Variants in NCAM1 observed in about 807,000 individuals in gnomAD.
The protein encoded by NCAM1 is antigen recognized by monoclonal antibody 5.1H11.
A neutral mutation model predicts 109.8 loss-of-function variants in NCAM1; 14 were observed. The ratio of observed to expected loss-of-function variants is 0.13; its 90% CI spans 0.08 to 0.20. The LOEUF is 0.20. Among genes scored for constraint, NCAM1 ranks in the 10% least tolerant of loss-of-function variants. NCAM1 has a pLI of 1.00. For missense variants in NCAM1, 774 were observed against 1,109.9 expected (o/e 0.70, Z 4.30); for synonymous variants, 418 against 442.9 (o/e 0.94, Z 0.70).
In NCAM1 at chr11:113,277,896, C is replaced by CAAAG. The variant is rs1946435719; in HGVS notation, c.*2511_*2514dup. ...AAAAAAGCAATGCTTTCTCTAAAAT[C>CAAAG]AAAGAGGGAGTCATTTTATTCCAAG... On this transcript the variant is annotated 3_prime_UTR_variant, in exon 20 of 20. Transcript: ENST00000316851. 1.0e-5 allele frequency: 1 copy of CAAAG among 96,516 alleles called. No homozygotes were observed. Among genetic ancestry groups the CAAAG allele is most frequent in the African/African-American group, 4.3e-5 (1 of 23,328 alleles). 6.0% of individuals were successfully genotyped at this position (96,516 alleles called of 1,614,324 possible). A position where few individuals can be genotyped will look rare whatever the true frequency, so the allele number is the denominator to read the frequency against.
Position 113,207,319 on chromosome 11 carries a change from G to C in NCAM1, c.687G>C (p.Gln229His), listed in dbSNP as rs563070008. Residue 229 changes from glutamine (Q) to histidine (H), a missense_variant, in exon 6 of 20, where the codon CAG becomes CAC. Around this residue, in one of 4 missense-constraint regions of NCAM1, gnomAD observed 523 missense variants for 784.2 expected, o/e 0.67. Coordinates refer to ENST00000316851, the MANE Select transcript of NCAM1 (RefSeq NM_181351.5). ...TGAATGCCACCGCCAACCTCGGCCA[G>C]TCCGTCACCCTGGTGTGCGATGCCG... is the stretch of plus-strand genomic sequence containing the variant. ...NIVNATANLGQSVTLVCDAEG... is the reference protein window; with the variant it reads ...NIVNATANLGHSVTLVCDAEG... 6.2e-7 allele frequency: 1 copy of C among 1,614,046 alleles called. No individual in the cohort carries two copies. Among genetic ancestry groups the C allele is most frequent in the Non-Finnish European group, 8.5e-7 (1 of 1,179,902 alleles).
chr11:113,093,584 C>A (rs145821670), intron 1 of NCAM1, among the ~76,000 whole-genome samples: 1 of 152,114 alleles, frequency 6.6e-6, no homozygotes, highest in Non-Finnish European at 1.5e-5. Context: ...TATTCTTAAG[C>A]CTTTGGAAGG....
chr11:113,142,628 C>T (rs959018744), intron 1 of NCAM1, among the ~76,000 whole-genome samples: 1 of 152,104 alleles, frequency 6.6e-6, no homozygotes, highest in East Asian at 1.9e-4. Flanking sequence ...TTACTCTATC[C>T]TCACCTACCT....
intron 1 of NCAM1, among the ~76,000 whole-genome samples, chr11:113,079,409 T>C (rs1415136500): frequency 1.3e-5 from 2 of 152,146 alleles, no homozygotes; most frequent in East Asian, 3.9e-4. Flanking sequence ...TATACCCGTG[T>C]TTCTGTCCCA....
intron 18 of NCAM1, among the ~76,000 whole-genome samples, chr11:113,271,369 C>CAAAAAA (rs71060298): frequency 2.5e-3 from 169 of 66,846 alleles, no homozygotes; most frequent in African/African-American, 3.0e-3. Flanking sequence ...GACTCTGTCT[C>CAAAAAA]AAAAAAAAAA....
chr11:113,150,826 A>G (rs1942199892), intron 1 of NCAM1, among the ~76,000 whole-genome samples: 1 of 152,204 alleles, frequency 6.6e-6, no homozygotes, highest in African/African-American at 2.4e-5. Flanking sequence ...GATTCAGGAT[A>G]GAATATCATC....
chr11:113,067,657 G>T lies in NCAM1; in HGVS notation c.52+105993G>T, dbSNP rs1385547290. ...CCTGTAACGAATACTGCAATTAGCT[G>T]CTTTCTCTTTCCTAGCCTCAGTGGG... On this transcript the variant is annotated intron_variant, in intron 1 of 19. Transcript: ENST00000316851. Among the ~76,000 whole-genome samples, 3 of 152,296 alleles carry T rather than the reference G, an allele frequency of 2.0e-5. No individual in the cohort carries two copies. In the East Asian group the frequency reaches 5.8e-4, roughly 29 times the overall value.
rs781801429 is a variant in NCAM1 at position 112,961,595 on chromosome 11, C to G, written c.-18C>G. The G allele has an allele frequency of 5.5e-6, 8 of 1,462,336 alleles. No individual in the cohort carries two copies. Among genetic ancestry groups the G allele is most frequent in the Non-Finnish European group, 7.7e-6 (8 of 1,043,432 alleles). The allele number at this position is 1,462,336 out of a possible 1,614,324, so 90.6% of individuals were successfully genotyped here. On this transcript the variant is annotated 5_prime_UTR_variant, in exon 1 of 20. Transcript: ENST00000316851. ...AATTTACCGCGGCAAGAACATCCCTCCCAGCCAGCAGATTACAATGCTGCA... is the reference window on the plus strand; with the variant it reads ...AATTTACCGCGGCAAGAACATCCCTGCCAGCCAGCAGATTACAATGCTGCA...
chr11:113,105,228 G>A (rs1230184565), intron 1 of NCAM1, among the ~76,000 whole-genome samples: 2 of 152,206 alleles, frequency 1.3e-5, no homozygotes, highest in South Asian at 2.1e-4. Context: ...GCAGATGGAG[G>A]AAGCCCAGAG....
intron 1 of NCAM1, 44 bp from the exon 2 acceptor site, chr11:113,202,335 T>TTTTCTTG (rs1944089406): frequency 2.6e-6 from 4 of 1,515,074 alleles, no homozygotes; most frequent in Middle Eastern, 1.7e-4. Context: ...TTTGTGGGTT[T>TTTTCTTG]TTTTTTGTTT....
rs143559634 is a variant in NCAM1 at position 113,045,542 on chromosome 11, C to T, written c.52+83878C>T. On this transcript the variant is annotated intron_variant, in intron 1 of 19. Transcript: ENST00000316851. Reference sequence around the variant, plus strand: ...CGCGAGCTTGCCGTGGGATCACGCACGCCGTGACTACAAAATGTAAAGCAA... The same window carrying T: ...CGCGAGCTTGCCGTGGGATCACGCATGCCGTGACTACAAAATGTAAAGCAA... 3.6e-3 allele frequency among the ~76,000 whole-genome samples: 549 copies of T among 152,276 alleles called. 6 individuals carry two copies. Among genetic ancestry groups the T allele is most frequent in the African/African-American group, 0.013 (532 of 41,546 alleles).
At chr11:113,043,944 CT>C (rs59982668) in intron 1 of NCAM1, among the ~76,000 whole-genome samples, 234 of 142,018 alleles carry the variant, frequency 1.6e-3, no homozygotes, top group Non-Finnish European at 1.9e-3. Context: ...GAGTAGTTTC[CT>C]TTTTTTTTTT....
chr11:113,203,637 G>C (rs1452410883), intron 2 of NCAM1, among the ~76,000 whole-genome samples: 1 of 152,238 alleles, frequency 6.6e-6, no homozygotes, highest in Non-Finnish European at 1.5e-5. Flanking sequence ...GCTGCCTGGG[G>C]AAAGGAAGAA....
At chr11:113,145,762 C>T (rs932555133) in intron 1 of NCAM1, among the ~76,000 whole-genome samples, 1 of 152,010 alleles carries the variant, frequency 6.6e-6, no homozygotes, top group African/African-American at 2.4e-5. Flanking sequence ...ACCCCACCCC[C>T]ACTTTCCTCC....
intron 1 of NCAM1, among the ~76,000 whole-genome samples, chr11:113,109,943 C>G (rs782044877): frequency 1.3e-5 from 2 of 152,020 alleles, no homozygotes; most frequent in Non-Finnish European, 2.9e-5. Context: ...TACATACATA[C>G]ATATATACAT....
At chr11:113,131,059 G>A (rs568261026) in intron 1 of NCAM1, among the ~76,000 whole-genome samples, 9 of 152,278 alleles carry the variant, frequency 5.9e-5, no homozygotes, top group Admixed American at 3.3e-4. Flanking sequence ...GGTTAGTAAC[G>A]GCTTGACCTA....
chr11:113,200,009 G>T (rs1374068431), intron 1 of NCAM1, among the ~76,000 whole-genome samples: 1 of 152,086 alleles, frequency 6.6e-6, no homozygotes, highest in African/African-American at 2.4e-5. Flanking sequence ...CTTGAGAGTT[G>T]TGTTCTGTTT....
chr11:112,981,917 CT>C (rs577465019), intron 1 of NCAM1, among the ~76,000 whole-genome samples: 1 of 151,612 alleles, frequency 6.6e-6, no homozygotes, highest in Non-Finnish European at 1.5e-5. Context: ...AGGTGGCTCT[CT>C]TTTTTTTAGA....
intron 1 of NCAM1, among the ~76,000 whole-genome samples, chr11:113,128,109 C>T (rs562392482): frequency 5.9e-5 from 9 of 152,282 alleles, no homozygotes; most frequent in Admixed American, 2.0e-4. Context: ...TTACTTAATC[C>T]GTGCACCATT....
Sources: allele counts gnomAD v4.1 joint callset (sites outside exome capture counted in the v4.1 genomes callset), GRCh38; gene constraint gnomAD v4.1.1; regional missense constraint gnomAD v4.1.1; transcripts MANE v1.5; gene names NCBI Gene and HGNC (gene_info 2026-07-23, HGNC 2026-07-21).